The following EYA2 variants were observed in gnomAD, a reference collection of about 807,000 sequenced individuals.
EYA2 encodes EYA transcriptional coactivator and phosphatase 2.
EYA2 carries 31 observed loss-of-function variants against 69.2 expected under a neutral mutation model. That is an observed-to-expected ratio of 0.45 (90% confidence interval 0.34 to 0.60). The LOEUF (loss-of-function observed/expected upper bound fraction) is 0.60. Ranked by LOEUF, EYA2 falls within the 20% of genes least tolerant of loss-of-function variation. The pLI is 0.02. For synonymous variants in EYA2, 257 were observed against 279.4 expected, an observed-to-expected ratio of 0.92 and a Z score of 0.80; for missense variants, 622 against 701.2, an observed-to-expected ratio of 0.89 and a Z score of 1.28.
At chr20:47,131,367 G>A (rs1263052739) in intron 9 of EYA2, among the ~76,000 whole-genome samples, 1 of 152,128 alleles carries the variant, frequency 6.6e-6, no homozygotes, top group African/African-American at 2.4e-5. Flanking sequence ...CTAGGCGGAG[G>A]TGCCACACCT....
intron 8 of EYA2, among the ~76,000 whole-genome samples, chr20:47,096,773 G>A (rs577071449): frequency 3.9e-5 from 6 of 152,278 alleles, no homozygotes; most frequent in Admixed American, 1.3e-4. Context: ...TTTGTAAAAC[G>A]AGTTATATGA....
intron 9 of EYA2, among the ~76,000 whole-genome samples, chr20:47,111,349 C>A (rs1308494538): frequency 2.0e-5 from 3 of 152,180 alleles, no homozygotes; most frequent in Admixed American, 1.3e-4. Context: ...TGGCATAAAA[C>A]AATAAGCATT....
chr20:47,110,192 C>A (rs1250993611), intron 9 of EYA2, among the ~76,000 whole-genome samples: 1 of 152,156 alleles, frequency 6.6e-6, no homozygotes, highest in Non-Finnish European at 1.5e-5. Context: ...TCAAGGTCAC[C>A]CAGCTTAGGA....
intron 7 of EYA2, among the ~76,000 whole-genome samples, chr20:47,076,545 C>T (rs1170497998): frequency 3.3e-5 from 5 of 151,984 alleles, no homozygotes; most frequent in South Asian, 2.1e-4. Context: ...ATTTTTTAAT[C>T]GGGTTATCTT....
At chr20:46,972,920 CT>C in intron 1 of EYA2, among the ~76,000 whole-genome samples, 1 of 152,350 alleles carries the variant, frequency 6.6e-6, no homozygotes, top group Middle Eastern at 3.4e-3. Flanking sequence ...GAATATCTCT[CT>C]TCTTTCCAAA....
intron 1 of EYA2, among the ~76,000 whole-genome samples, chr20:46,914,753 A>T (rs1387473352): frequency 6.6e-6 from 1 of 152,160 alleles, no homozygotes; most frequent in Non-Finnish European, 1.5e-5. Flanking sequence ...ACGCAGCCAA[A>T]CCGTATCAGG....
intron 1 of EYA2, among the ~76,000 whole-genome samples, chr20:46,928,716 G>A (rs576555369): frequency 6.6e-5 from 10 of 152,340 alleles, no homozygotes; most frequent in South Asian, 2.1e-4. Flanking sequence ...AATCACCAAC[G>A]CTTGGATTGT....
chr20:47,004,883 TAAGG>T lies in EYA2; in HGVS notation c.156-55_156-52del, dbSNP rs368538439. On this transcript the variant is annotated intron_variant, in intron 3 of 15. Transcript: ENST00000327619. ...AAAAATGGGGGTGTTGATATCAAGATAAGGAAGAAGGGGTGCCAGACTGGGCCTG... is the reference window on the plus strand; with the variant it reads ...AAAAATGGGGGTGTTGATATCAAGATAAGAAGGGGTGCCAGACTGGGCCTG... 5.7e-5 allele frequency: 92 copies of T among 1,613,308 alleles called. No homozygotes were observed. In the African/African-American group the frequency reaches 9.7e-4, roughly 17 times the overall value.
At chr20:47,018,096 G>A (rs1983519409) in intron 5 of EYA2, among the ~76,000 whole-genome samples, 1 of 152,200 alleles carries the variant, frequency 6.6e-6, no homozygotes, top group Non-Finnish European at 1.5e-5. Flanking sequence ...GATAACAGGA[G>A]GTGTGTGAAG....
intron 1 of EYA2, among the ~76,000 whole-genome samples, chr20:46,898,556 AAAG>A (rs1273328831): frequency 6.6e-6 from 1 of 152,214 alleles, no homozygotes; most frequent in African/African-American, 2.4e-5. Context: ...TACAAAACAA[AAAG>A]AAGATTCTGG....
chr20:47,004,722 A>G, intron 3 of EYA2: 1 of 633,980 alleles, frequency 1.6e-6, no homozygotes, highest in Non-Finnish European at 2.7e-6. Flanking sequence ...ACGGGGCTGA[A>G]CCCAGTCACA....
intron 1 of EYA2, among the ~76,000 whole-genome samples, chr20:46,953,292 G>A (rs997301062): frequency 2.6e-5 from 4 of 152,098 alleles, no homozygotes; most frequent in African/African-American, 7.2e-5. Context: ...TGAGAACTCC[G>A]CGGGTTAACC....
chr20:47,174,024 G>A (rs185318773), intron 12 of EYA2, among the ~76,000 whole-genome samples: 2 of 152,334 alleles, frequency 1.3e-5, no homozygotes, highest in Admixed American at 6.5e-5. Context: ...GTAGTCTAGA[G>A]AATTCTGGAG....
At chr20:46,965,796 G>A (rs1380473121) in intron 1 of EYA2, among the ~76,000 whole-genome samples, 3 of 152,216 alleles carry the variant, frequency 2.0e-5, no homozygotes. Flanking sequence ...CCTTTAGAAT[G>A]TGTTTGTCTG....
chr20:46,964,331 A>G (rs990089533), intron 1 of EYA2, among the ~76,000 whole-genome samples: 1 of 152,142 alleles, frequency 6.6e-6, no homozygotes, highest in Non-Finnish European at 1.5e-5. Context: ...AGTGTGGAGA[A>G]CAGATTTGGA....
At chr20:47,078,657 G>C (rs561985260) in intron 7 of EYA2, among the ~76,000 whole-genome samples, 1 of 152,324 alleles carries the variant, frequency 6.6e-6, no homozygotes, top group South Asian at 2.1e-4. Flanking sequence ...GGCAGAATCT[G>C]AACATCTCAT....
chr20:46,992,327 T>C (rs1183262254), intron 2 of EYA2, among the ~76,000 whole-genome samples: 1 of 152,210 alleles, frequency 6.6e-6, no homozygotes, highest in East Asian at 1.9e-4. Flanking sequence ...AGCAGCTTGA[T>C]TGAGATGGCA....
chr20:47,084,726 C>G (rs1280540921), intron 7 of EYA2, among the ~76,000 whole-genome samples: 1 of 152,000 alleles, frequency 6.6e-6, no homozygotes, highest in Non-Finnish European at 1.5e-5. Context: ...GCTTTAATCA[C>G]AAAGACGGAC....
rs375400521 is a variant in EYA2 at position 47,171,990 on chromosome 20, G to C, written c.1038-717G>C. Among the ~76,000 whole-genome samples the C allele has an allele frequency of 4.9e-4, 75 of 151,970 alleles. 1 individual carries two copies. The South Asian group carries it at 0.012, about 24-fold the overall frequency. ...CACCTGTAATCCCAGCTACTTGGGA[G>C]GGGGAGGCTGAGGCAGGAGAATCAC... On this transcript the variant is annotated intron_variant, in intron 11 of 15. Transcript: ENST00000327619.
Sources: gnomAD v4.1 joint callset for allele counts (sites outside exome capture counted in the v4.1 genomes callset) on GRCh38, gnomAD v4.1.1 for gene constraint, MANE v1.5 for transcripts, NCBI Gene and HGNC (gene_info 2026-07-23, HGNC 2026-07-21) for gene names.